Variants in CDH26 observed in about 807,000 individuals in gnomAD.
CDH26 encodes the protein cadherin 26.
CDH26 carries 83 observed loss-of-function variants against 90.3 expected under a neutral mutation model. That is an observed-to-expected ratio of 0.92 (90% CI 0.77 to 1.10). CDH26 has a LOEUF of 1.10. Among genes scored for constraint, CDH26 ranks in the 50% least tolerant of loss-of-function variants. The pLI is 0.00. For synonymous variants in CDH26, 397 were observed against 396.3 expected, an observed-to-expected ratio of 1.00 and a Z score of -0.02; for missense variants, 1,013 against 1,037.6, an observed-to-expected ratio of 0.98 and a Z score of 0.33.
rs760047612 is a variant in CDH26, at chr20:59,989,200, T to A, written c.1283+37T>A. 19 of 1,609,714 alleles carry A rather than the reference T, an allele frequency of 1.2e-5. 1 individual carries two copies. The South Asian group carries it at 2.1e-4, about 18-fold the overall frequency. Reference sequence around the variant, plus strand: ...GGGCCAAGAAGGGCGGTTGTTTAAGTGGAAATAGCCACATAACCAAGAGGG... The same window carrying A: ...GGGCCAAGAAGGGCGGTTGTTTAAGAGGAAATAGCCACATAACCAAGAGGG... On this transcript the variant is annotated intron_variant, in intron 9 of 17. Transcript: ENST00000348616.
intron 1 of CDH26, among the ~76,000 whole-genome samples, chr20:59,967,537 T>A (rs1006216116): frequency 6.6e-6 from 1 of 152,222 alleles, no homozygotes; most frequent in Non-Finnish European, 1.5e-5. Context: ...ATAAAACTTA[T>A]AAGATTTAAG....
At position 60,012,767 on chromosome 20, in the gene CDH26, T is replaced by C; in HGVS notation, c.*37T>C. ...TATTTTGGAGAATTGAAATAATTCATGGAAGGGAATCACTATTCAGGGATT... is the reference window on the plus strand; with the variant it reads ...TATTTTGGAGAATTGAAATAATTCACGGAAGGGAATCACTATTCAGGGATT... On this transcript the variant is annotated 3_prime_UTR_variant, in exon 18 of 18. Transcript: ENST00000348616. 6.3e-7 allele frequency: 1 copy of C among 1,590,328 alleles called. No individual in the cohort carries two copies. The highest frequency in any genetic ancestry group is 8.6e-7 in the Non-Finnish European group (1 of 1,161,434).
intron 7 of CDH26, among the ~76,000 whole-genome samples, chr20:60,028,670 T>C (rs2062016935): frequency 6.6e-6 from 1 of 152,162 alleles, no homozygotes; most frequent in Non-Finnish European, 1.5e-5. Context: ...GAGGATAGCG[T>C]GTCTTAGGCT....
chr20:59,988,846 G>C, intron 8 of CDH26, 58 bp from the exon 9 acceptor site: 2 of 1,581,560 alleles, frequency 1.3e-6, no homozygotes, highest in Admixed American at 3.5e-5. Flanking sequence ...TCGGCGCTGG[G>C]CTTCCTCTGG....
chr20:59,967,006 T>G (rs1243441158), intron 1 of CDH26, among the ~76,000 whole-genome samples: 1 of 149,296 alleles, frequency 6.7e-6, no homozygotes, highest in African/African-American at 2.5e-5. Context: ...AATAATAATG[T>G]TATGGGATGA....
intron 9 of CDH26, among the ~76,000 whole-genome samples, chr20:59,991,482 C>G (rs2061527206): frequency 6.6e-6 from 1 of 152,196 alleles, no homozygotes; most frequent in Non-Finnish European, 1.5e-5. Context: ...CACAGAGGAA[C>G]TCTGAGTTTC....
intron 17 of CDH26, among the ~76,000 whole-genome samples, chr20:60,010,889 C>T (rs2061827663): frequency 1.3e-5 from 2 of 152,226 alleles, no homozygotes; most frequent in South Asian, 2.1e-4. Flanking sequence ...GGCTCTGCCA[C>T]CACTCAGAAC....
chr20:59,989,241 C>A, intron 9 of CDH26, 78 bp downstream of exon 9: 6 of 1,576,882 alleles, frequency 3.8e-6, no homozygotes, highest in Non-Finnish European at 5.2e-6. Context: ...GTTAGAAAAC[C>A]AGCTCGGCCG....
Position 59,958,441 on chromosome 20 carries a change from G to A in CDH26, c.-286G>A, listed in dbSNP as rs1462666364. 2.9e-5 allele frequency: 11 copies of A among 385,608 alleles called. No homozygotes were observed. The highest frequency in any genetic ancestry group is 6.9e-4 in the Middle Eastern group (1 of 1,444). 23.9% of individuals were successfully genotyped at this position (385,608 alleles called of 1,614,324 possible). A position where few individuals can be genotyped will look rare whatever the true frequency, so the allele number is the denominator to read the frequency against. On this transcript the variant is annotated 5_prime_UTR_variant, in exon 1 of 18. In the 5' UTR this introduces an upstream ATG that the reference lacks. Coordinates refer to ENST00000348616, the MANE Select transcript of CDH26 (RefSeq NM_177980.4). ...AGACCCCAGCCAGTCTTTTGTGTAC[G>A]TGCAGGACCATGGTGGCTTTAGTTT...
chr20:60,009,650 G>A (rs1032410423), intron 17 of CDH26, among the ~76,000 whole-genome samples: 1 of 152,072 alleles, frequency 6.6e-6, no homozygotes, highest in African/African-American at 2.4e-5. Flanking sequence ...AGAGGGCCCT[G>A]TTCTTTCCTT....
intron 4 of CDH26, among the ~76,000 whole-genome samples, chr20:59,978,670 G>A (rs764860354): frequency 1.2e-4 from 18 of 151,886 alleles, no homozygotes; most frequent in Non-Finnish European, 1.9e-4. Flanking sequence ...CACCACGCCC[G>A]ATCTTATATT....
Position 60,021,859 on chromosome 20 carries a change from C to CACACACACACACACACACACACAT in CDH26, c.948-9349_948-9348insTACACACACACACACACACACACA, listed in dbSNP as rs1569068560. Among the ~76,000 whole-genome samples the CACACACACACACACACACACACAT allele has an allele frequency of 9.7e-3, 660 of 67,978 alleles. 91 individuals are homozygous for CACACACACACACACACACACACAT. Among genetic ancestry groups the CACACACACACACACACACACACAT allele is most frequent in the Middle Eastern group, 0.02 (3 of 148 alleles). The allele number at this position is 67,978 out of a possible 152,430, so 44.6% of individuals were successfully genotyped here. A position where few individuals can be genotyped will look rare whatever the true frequency, so the allele number is the denominator to read the frequency against. On this transcript the variant is annotated intron_variant, in intron 7 of 8. Transcript: ENST00000370991. ...CGATATCCTTATCTGTACACACACA[C>CACACACACACACACACACACACAT]ACACACACACACACACACACACACA...
chr20:59,969,957 CT>C, intron 2 of CDH26, 124 bp from the exon 3 acceptor site: 1 of 1,398,440 alleles, frequency 7.2e-7, no homozygotes. Context: ...GGTGGCTGTT[CT>C]GGCGATGAGA....
chr20:60,019,417 T>C (rs2061934383), downstream of CDH26, among the ~76,000 whole-genome samples: 1 of 152,238 alleles, frequency 6.6e-6, no homozygotes, highest in African/African-American at 2.4e-5. Context: ...TGTCTGCCTG[T>C]TATTTCAAAA....
chr20:60,030,411 T>C lies in CDH26; in HGVS notation c.948-820T>C, dbSNP rs1488340393. On this transcript the variant is annotated intron_variant, in intron 7 of 8. Coordinates refer to the CDH26 transcript ENST00000370991. This position sits in a 1 kb window ranked among gnomAD's most constrained non-coding sequence, Gnocchi z 4.0. ...GTTTGCTTTTTTTTGTTTTGTTTTG[T>C]TTTTGTTTTTTTCAGTATCCCTTCA... Among the ~76,000 whole-genome samples, 1 of 152,120 alleles carries C rather than the reference T, an allele frequency of 6.6e-6. No individual in the cohort carries two copies. Among genetic ancestry groups the C allele is most frequent in the African/African-American group, 2.4e-5 (1 of 41,426 alleles).
chr20:60,009,536 C>T (rs1433821394), intron 17 of CDH26, among the ~76,000 whole-genome samples: 2 of 152,182 alleles, frequency 1.3e-5, no homozygotes, highest in Non-Finnish European at 2.9e-5. Flanking sequence ...GGGACGTGTT[C>T]CAGCCGCGGG....
chr20:59,984,552 A>G (rs1486588322), intron 5 of CDH26, 87 bp from the exon 6 acceptor site: 2 of 1,068,592 alleles, frequency 1.9e-6, no homozygotes, highest in South Asian at 3.0e-5. Flanking sequence ...TATATGCCCC[A>G]ATGCCATTTA....
chr20:59,999,635 C>G lies in CDH26; in HGVS notation c.2069C>G (p.Ala690Gly), dbSNP rs759844576. The part of the protein sequence containing the change: ...GQRPALLICT[A>G]AAGPTQGVKD... Reference sequence around the variant, plus strand: ...AGGCCGGCTCTGCTCATCTGCACAGCTGCAGCAGGACCCACGCAGGGAGTT... The same window carrying G: ...AGGCCGGCTCTGCTCATCTGCACAGGTGCAGCAGGACCCACGCAGGGAGTT... Residue 690 changes from alanine to glycine, a missense_variant, in exon 14 of 18, where the codon GCT (alanine) becomes GGT (glycine). Ala to Gly is a moderately conservative substitution (Grantham distance 60). Coordinates refer to ENST00000348616, the MANE Select transcript of CDH26 (RefSeq NM_177980.4). 10 of 1,614,174 alleles carry G rather than the reference C, an allele frequency of 6.2e-6. No homozygotes were observed. Among genetic ancestry groups the G allele is most frequent in the Non-Finnish European group, 8.5e-6 (10 of 1,179,998 alleles).
In CDH26 at chr20:60,002,813, G is replaced by A. The variant is rs748244628; in HGVS notation, c.2167G>A (p.Gly723Ser). The change falls in exon 16 of 18, where the codon GGT (glycine) becomes AGT (serine). Residue 723 changes from glycine (G) to serine (S), a missense_variant and splice_region_variant. Coordinates refer to ENST00000348616, the MANE Select transcript of CDH26 (RefSeq NM_177980.4). ...AGTAAATATTTCATCTTTCTTTAAG[G>A]GTTATGGCAAGCCCTTTGAGCCAAG... The part of the protein sequence containing the change: ...AQARCALGSW[G>S]YGKPFEPRSV... 21 of 1,596,010 alleles carry A rather than the reference G, an allele frequency of 1.3e-5. No individual in the cohort carries two copies. In the South Asian group the frequency reaches 2.4e-4, roughly 18 times the overall value.
Sources: allele counts gnomAD v4.1 joint callset (sites outside exome capture counted in the v4.1 genomes callset), GRCh38; gene constraint gnomAD v4.1.1; non-coding constraint Gnocchi (gnomAD v3.1); transcripts MANE v1.5; gene names NCBI Gene and HGNC (gene_info 2026-07-23, HGNC 2026-07-21).